The following UTP14C variants were observed in gnomAD, a reference collection of about 807,000 sequenced individuals.
The protein encoded by UTP14C is U3 small nucleolar RNA-associated protein 14 homolog C.
In UTP14C, 10 loss-of-function variants were observed where a neutral mutation model predicts 14.6. The ratio of observed to expected loss-of-function variants is 0.68; its 90% CI spans 0.42 to 1.16. UTP14C has a LOEUF of 1.16. Among genes scored for constraint, UTP14C ranks in the 50% most tolerant of loss-of-function variants. The probability of loss-of-function intolerance (pLI) is 0.00; values close to 1 mark genes in which losing one functional copy is unlikely to be tolerated. For missense variants in UTP14C, 818 were observed against 890.8 expected, an observed-to-expected ratio of 0.92 and a Z score of 1.04; for synonymous variants, 315 against 331.6, an observed-to-expected ratio of 0.95 and a Z score of 0.54.
intron 1 of UTP14C, among the ~76,000 whole-genome samples, chr13:52,026,081 C>A (rs191755911): frequency 6.6e-6 from 1 of 152,356 alleles, no homozygotes; most frequent in Non-Finnish European, 1.5e-5. Context: ...CAGGCAAGTG[C>A]CGTGCCGTGC....
chr13:52,025,598 G>A (rs978466524), intron 1 of UTP14C, among the ~76,000 whole-genome samples: 13 of 152,342 alleles, frequency 8.5e-5, no homozygotes, highest in African/African-American at 2.9e-4. Context: ...GTGCCAGATT[G>A]CATCATAAGT....
At position 52,030,780 on chromosome 13, in the gene UTP14C, A is replaced by G; in HGVS notation, c.1976A>G (p.Lys659Arg). ...LIKAPEGPPR[K>R]DKNLPNVIIS... ...AAAGCCCCTGAGGGTCCTCCAAGAA[A>G]AGATAAGAATTTGCCAAATGTGATT... Residue 659 changes from lysine (K) to arginine (R), a missense_variant, in exon 2 of 2, where the codon AAA becomes AGA. Lys to Arg is a conservative substitution (Grantham distance 26, BLOSUM62 2). Transcript: ENST00000521776. 6.2e-7 allele frequency: 1 copy of G among 1,614,184 alleles called. No homozygotes were observed. The highest frequency in any genetic ancestry group is 1.3e-5 in the African/African-American group (1 of 75,040).
Position 52,029,611 on chromosome 13 carries a change from G to A in UTP14C, c.807G>A (p.Gln269=), listed in dbSNP as rs1283394556. ...AGAAAGCCTTAAAAGAGTTTGAGCA[G>A]CTACAGAAGGTTAATCCAACTGTGG... is the stretch of plus-strand genomic sequence containing the variant. The part of the protein sequence containing the change: ...KAKKALKEFE[Q]LQKVNPTVAL... Residue 269 remains glutamine, a synonymous_variant, in exon 2 of 2, where the codon CAG becomes CAA. Transcript: ENST00000521776. 6.2e-7 allele frequency: 1 copy of A among 1,614,218 alleles called. No individual in the cohort carries two copies. The highest frequency in any genetic ancestry group is 8.5e-7 in the Non-Finnish European group (1 of 1,180,036).
chr13:52,032,431 T>G lies in UTP14C; in HGVS notation c.*1326T>G, dbSNP rs908527573. ...AAGTGAATATATGTGTGAGCAGATATGGCTATAAAGACCTATAGCTTTTGC... is the reference window on the plus strand; with the variant it reads ...AAGTGAATATATGTGTGAGCAGATAGGGCTATAAAGACCTATAGCTTTTGC... On this transcript the variant is annotated 3_prime_UTR_variant, in exon 2 of 2. Coordinates refer to ENST00000521776, the MANE Select transcript of UTP14C (RefSeq NM_021645.6). 2 of 167,242 alleles carry G rather than the reference T, an allele frequency of 1.2e-5. No homozygotes were observed. The highest frequency in any genetic ancestry group is 3.4e-3 in the Middle Eastern group (1 of 296). The allele number at this position is 167,242 out of a possible 1,614,324, so 10.4% of individuals were successfully genotyped here.
At chr13:52,026,121 A>G (rs553902852) in intron 1 of UTP14C, among the ~76,000 whole-genome samples, 1 of 152,308 alleles carries the variant, frequency 6.6e-6, no homozygotes, top group South Asian at 2.1e-4. Context: ...TATGCTAAGG[A>G]AGTGCAGGGT....
chr13:52,028,643 A>T lies in UTP14C; in HGVS notation c.-162A>T. Reference sequence around the variant, plus strand: ...TTATATAAACTGGTTAAACACCTTCATATGTAAATATTTTTCTAAATTCAA... The same window carrying T: ...TTATATAAACTGGTTAAACACCTTCTTATGTAAATATTTTTCTAAATTCAA... On this transcript the variant is annotated 5_prime_UTR_variant, in exon 2 of 2. Coordinates refer to ENST00000521776, the MANE Select transcript of UTP14C (RefSeq NM_021645.6). 6.4e-7 allele frequency: 1 copy of T among 1,566,524 alleles called. No individual in the cohort carries two copies. Among genetic ancestry groups the T allele is most frequent in the Non-Finnish European group, 8.7e-7 (1 of 1,143,924 alleles).
chr13:52,028,899 A>G lies in UTP14C; in HGVS notation c.95A>G (p.Asp32Gly). 2 of 1,614,244 alleles carry G rather than the reference A, an allele frequency of 1.2e-6. No homozygotes were observed. The change falls in exon 2 of 2, where the codon GAT (aspartate) becomes GGT (glycine). Residue 32 changes from aspartate (D) to glycine (G), a missense_variant. Transcript: ENST00000521776. ...PKNYPLSENE[D>G]EGDSDGERKH... Reference sequence around the variant, plus strand: ...AACTACCCCTTGAGTGAAAATGAAGATGAGGGGGACAGTGATGGAGAGAGA... The same window carrying G: ...AACTACCCCTTGAGTGAAAATGAAGGTGAGGGGGACAGTGATGGAGAGAGA...
rs1422971214 is a variant in UTP14C, at chr13:52,031,676, A to G, written c.*571A>G. 1 of 168,294 alleles carries G rather than the reference A, an allele frequency of 5.9e-6. No individual in the cohort carries two copies. The highest frequency in any genetic ancestry group is 1.5e-5 in the Non-Finnish European group (1 of 68,958). The allele number at this position is 168,294 out of a possible 1,614,324, so 10.4% of individuals were successfully genotyped here. A position where few individuals can be genotyped will look rare whatever the true frequency, so the allele number is the denominator to read the frequency against. On this transcript the variant is annotated 3_prime_UTR_variant, in exon 2 of 2. Coordinates refer to ENST00000521776, the MANE Select transcript of UTP14C (RefSeq NM_021645.6). The stretch of plus-strand genomic sequence containing the variant: ...TGATATACAGATACATCCACAGGGT[A>G]TCTATTACCAGCATAATGCATTGTA...
chr13:52,025,057 C>T, intron 1 of UTP14C, 120 bp downstream of exon 1: 1 of 1,139,660 alleles, frequency 8.8e-7, no homozygotes, highest in South Asian at 1.3e-5. Flanking sequence ...CCCTCATCCA[C>T]CAAATGTGCT....
rs765050351 is a variant in UTP14C, at chr13:52,030,277, C to G, written c.1473C>G (p.Ala491=). The part of the protein sequence containing the change: ...TVPQVQREEP[A]PEEAEPLLLQ... ...CCCAGGTCCAGAGAGAGGAACCTGC[C>G]CCAGAAGAAGCGGAACCCCTATTGC... Residue 491 remains alanine (A), a synonymous_variant, in exon 2 of 2, where the codon GCC becomes GCG. Transcript: ENST00000521776. 6 of 1,614,104 alleles carry G rather than the reference C, an allele frequency of 3.7e-6. No homozygotes were observed. Among genetic ancestry groups the G allele is most frequent in the Non-Finnish European group, 5.1e-6 (6 of 1,180,024 alleles).
At position 52,030,663 on chromosome 13, in the gene UTP14C, C is replaced by T. The variant is rs1426836405; in HGVS notation, c.1859C>T (p.Pro620Leu). 21 of 1,614,012 alleles carry T rather than the reference C, an allele frequency of 1.3e-5. No individual in the cohort carries two copies. The highest frequency in any genetic ancestry group is 1.8e-5 in the Non-Finnish European group (21 of 1,180,024). The change falls in exon 2 of 2, where the codon CCA becomes CTA. Residue 620 changes from proline to leucine, a missense_variant. Pro to Leu is a moderately conservative substitution (Grantham distance 98). Transcript: ENST00000521776. The stretch of plus-strand genomic sequence containing the variant: ...AGGGAAGCTGTGGAGGCGAGTAAGC[C>T]AAAGGACGTGGACCTGACACTACCT... Reference protein sequence around the residue: ...EKREAVEASKPKDVDLTLPGW... With the variant: ...EKREAVEASKLKDVDLTLPGW...
Position 52,032,392 on chromosome 13 carries a change from T to A in UTP14C, c.*1287T>A. ...AATTTAATGCACCTTCTATCCTGAA[T>A]AACTAGCATGGAAAAGTGAATATAT... is the stretch of plus-strand genomic sequence containing the variant. On this transcript the variant is annotated 3_prime_UTR_variant, in exon 2 of 2. Transcript: ENST00000521776. 1 of 167,216 alleles carries A rather than the reference T, an allele frequency of 6.0e-6. No homozygotes were observed. The allele number at this position is 167,216 out of a possible 1,614,324, so 10.4% of individuals were successfully genotyped here. A position where few individuals can be genotyped will look rare whatever the true frequency, so the allele number is the denominator to read the frequency against.
chr13:52,029,058 G>A lies in UTP14C; in HGVS notation c.254G>A (p.Gly85Asp). 1 of 1,614,020 alleles carries A rather than the reference G, an allele frequency of 6.2e-7. No individual in the cohort carries two copies. The highest frequency in any genetic ancestry group is 8.5e-7 in the Non-Finnish European group (1 of 1,179,996). Residue 85 changes from glycine (G) to aspartate (D), a missense_variant, in exon 2 of 2, where the codon GGC becomes GAC. By Grantham distance (94) the Gly-to-Asp change is moderately conservative. Coordinates refer to ENST00000521776, the MANE Select transcript of UTP14C (RefSeq NM_021645.6). Reference sequence around the variant, plus strand: ...TCTGAAGGATCAGGAGAAAAGCTGGGCCTTGCAGATCTGCTTGAGCCCGTT... The same window carrying A: ...TCTGAAGGATCAGGAGAAAAGCTGGACCTTGCAGATCTGCTTGAGCCCGTT... ...VSSEGSGEKL[G>D]LADLLEPVKT...
chr13:52,029,152 G>A lies in UTP14C; in HGVS notation c.348G>A (p.Glu116=). The change falls in exon 2 of 2, where the codon GAG becomes GAA. Residue 116 remains glutamate (E), a synonymous_variant. Coordinates refer to ENST00000521776, the MANE Select transcript of UTP14C (RefSeq NM_021645.6). ...LNRVKSKKVV[E]LPLNKEKIEQ... is the part of the protein sequence containing the mutation. Reference sequence around the variant, plus strand: ...GAGTCAAATCAAAGAAGGTGGTGGAGTTACCTCTTAACAAAGAAAAAATTG... The same window carrying A: ...GAGTCAAATCAAAGAAGGTGGTGGAATTACCTCTTAACAAAGAAAAAATTG... The A allele has an allele frequency of 1.2e-6, 2 of 1,614,204 alleles. No individual in the cohort carries two copies. Among genetic ancestry groups the A allele is most frequent in the South Asian group, 2.2e-5 (2 of 91,084 alleles).
intron 1 of UTP14C, among the ~76,000 whole-genome samples, 196 bp from the exon 2 acceptor site, chr13:52,028,123 A>G (rs1345059341): frequency 2.0e-5 from 3 of 152,162 alleles, no homozygotes; most frequent in Admixed American, 6.5e-5. Context: ...CAGTATTATT[A>G]TGAAGCTTTG....
chr13:52,024,986 T>C lies in UTP14C; in HGVS notation c.-487+49T>C, dbSNP rs1241379370. The C allele has an allele frequency of 1.9e-6, 3 of 1,547,002 alleles. No homozygotes were observed. The South Asian group carries it at 3.3e-5, about 17-fold the overall frequency. ...TGTTTGGTGCCATGAGATACACATTTTAAGTTCTTTTGATAAAATGATAAT... is the reference window on the plus strand; with the variant it reads ...TGTTTGGTGCCATGAGATACACATTCTAAGTTCTTTTGATAAAATGATAAT... On this transcript the variant is annotated intron_variant, in intron 1 of 1. Coordinates refer to ENST00000521776, the MANE Select transcript of UTP14C (RefSeq NM_021645.6).
chr13:52,029,599 A>ATTTT lies in UTP14C; in HGVS notation c.795_796insTTTT (p.Glu266PhefsTer2), dbSNP rs1566712452. The ATTTT allele has an allele frequency of 1.2e-6, 2 of 1,614,262 alleles. No individual in the cohort carries two copies. Among genetic ancestry groups the ATTTT allele is most frequent in the Non-Finnish European group, 8.5e-7 (1 of 1,180,052 alleles). On this transcript the variant is annotated frameshift_variant, in exon 2 of 2. Transcript: ENST00000521776. LOFTEE classifies it low-confidence loss of function (END_TRUNC). The stretch of plus-strand genomic sequence containing the variant: ...AAGGAAAGGCCAAGAAAGCCTTAAA[A>ATTTT]GAGTTTGAGCAGCTACAGAAGGTTA...
Position 52,028,533 on chromosome 13 carries a change from C to G in UTP14C, c.-272C>G. 6.2e-7 allele frequency: 1 copy of G among 1,614,156 alleles called. No homozygotes were observed. The highest frequency in any genetic ancestry group is 1.1e-5 in the South Asian group (1 of 91,086). ...GTGCTCGTGCATCTGTAAGCAGATT[C>G]TCTGATCAGGAATTTGAAGTGACAT... On this transcript the variant is annotated 5_prime_UTR_variant, in exon 2 of 2. Coordinates refer to ENST00000521776, the MANE Select transcript of UTP14C (RefSeq NM_021645.6).
Position 52,028,327 on chromosome 13 carries a change from G to A in UTP14C, c.-478G>A, listed in dbSNP as rs1219187167. 1 of 1,614,120 alleles carries A rather than the reference G, an allele frequency of 6.2e-7. No homozygotes were observed. The highest frequency in any genetic ancestry group is 1.1e-5 in the South Asian group (1 of 91,084). ...TGTGTTTTTTTTCTCAGGAGTTGTG[G>A]AGTGTATGGCAGCTGGCACAATTAT... On this transcript the variant is annotated 5_prime_UTR_variant, in exon 2 of 2. Transcript: ENST00000521776.
Sources: allele counts gnomAD v4.1 joint callset (sites outside exome capture counted in the v4.1 genomes callset), GRCh38; gene constraint gnomAD v4.1.1; transcripts MANE v1.5; gene names NCBI Gene and HGNC (gene_info 2026-07-23, HGNC 2026-07-21).